NOP53: variants seen among roughly 807,000 people sequenced by gnomAD.
The protein encoded by NOP53 is NOP53 ribosome biogenesis factor.
NOP53 carries 40 observed loss-of-function variants against 61.0 expected under a neutral mutation model. The observed-to-expected ratio is 0.66, with a 90% CI of 0.51 to 0.85. The LOEUF is 0.85. Ranked by LOEUF, NOP53 falls within the 40% of genes least tolerant of loss-of-function variation. The pLI is 0.00. For synonymous variants in NOP53, 308 were observed against 289.5 expected (o/e 1.06, Z -0.65); for missense variants, 689 against 652.9 (o/e 1.06, Z -0.60).
intron 4 of NOP53, 74 bp downstream of exon 4, chr19:47,751,181 C>T (rs565937885): frequency 1.0e-5 from 14 of 1,342,684 alleles, no homozygotes; most frequent in Admixed American, 4.1e-5. Flanking sequence ...GTGCACTGCA[C>T]GAGAGTACAG....
chr19:47,751,817 G>A (rs1967127935), intron 5 of NOP53, among the ~76,000 whole-genome samples: 1 of 152,150 alleles, frequency 6.6e-6, no homozygotes, highest in African/African-American at 2.4e-5. Flanking sequence ...AAATGCAGAT[G>A]AGGGCCGGGC....
In NOP53 at chr19:47,754,885, C is replaced by G. The variant is rs1250015792; in HGVS notation, c.1047C>G (p.His349Gln). The change falls in exon 8 of 13, where the codon CAC (histidine) becomes CAG (glutamine). Residue 349 changes from histidine (H) to glutamine (Q), a missense_variant. His to Gln is a conservative substitution (Grantham distance 24). Coordinates refer to ENST00000246802, the MANE Select transcript of NOP53 (RefSeq NM_015710.5). This position sits in a 1 kb window ranked among gnomAD's most constrained non-coding sequence, Gnocchi z 4.2. Reference protein sequence around the residue: ...EQQRRREKAVHRLRVQQAALR... With the variant: ...EQQRRREKAVQRLRVQQAALR... ...AGCGGCGGCGGGAGAAGGCTGTGCA[C>G]AGGCTGGTGAGCGCCTGGGCCAGCG... The G allele has an allele frequency of 6.6e-7, 1 of 1,507,956 alleles. No individual in the cohort carries two copies. Among genetic ancestry groups the G allele is most frequent in the African/African-American group, 1.4e-5 (1 of 70,732 alleles). The allele number at this position is 1,507,956 out of a possible 1,614,324, so 93.4% of individuals were successfully genotyped here.
chr19:47,745,863 C>G, intron 1 of NOP53, 80 bp downstream of exon 1: 1 of 84,704 alleles, frequency 1.2e-5, no homozygotes, highest in Non-Finnish European at 1.9e-5. Flanking sequence ...GTGGACTCGT[C>G]GGGGGTCGGG....
intron 1 of NOP53, chr19:47,746,006 C>A (rs1967058533): frequency 2.0e-6 from 1 of 492,916 alleles, no homozygotes; most frequent in Middle Eastern, 5.3e-4. Flanking sequence ...ATATACAGGA[C>A]GCTCAATTAA....
chr19:47,752,472 C>T (rs541802166), intron 5 of NOP53, 40 bp from the exon 6 acceptor site: 7 of 1,272,910 alleles, frequency 5.5e-6, no homozygotes, highest in South Asian at 1.2e-5. Flanking sequence ...CCCGCAGCCC[C>T]AACGCACGGC....
chr19:47,752,619 C>T lies in NOP53; in HGVS notation c.765+12C>T, dbSNP rs146899965. ...TTGAAGACCACCAGGTACACTGCCC[C>T]GTCCAGGCCTCCCTCCTCAGTGGGC... On this transcript the variant is annotated intron_variant, in intron 6 of 12. Coordinates refer to ENST00000246802, the MANE Select transcript of NOP53 (RefSeq NM_015710.5). The T allele has an allele frequency of 4.5e-4, 683 of 1,508,142 alleles. 2 individuals carry two copies. The African/African-American group carries it at 8.3e-3, about 18-fold the overall frequency. 93.4% of individuals were successfully genotyped at this position (1,508,142 alleles called of 1,614,324 possible).
In NOP53 at chr19:47,750,276, G is replaced by T. The variant is rs757576784; in HGVS notation, c.388G>T (p.Ala130Ser). ...CCTCGAGAACACATCCAAAGTCCCT[G>T]CCCCCAAAGAGTGAGTGTCCCAGCA... ...LILENTSKVP[A>S]PKDVLAHQVP... Residue 130 changes from alanine to serine, a missense_variant, in exon 3 of 13, where the codon GCC (alanine) becomes TCC (serine). Ala to Ser is a moderately conservative substitution (Grantham distance 99). Transcript: ENST00000246802. 6 of 1,596,860 alleles carry T rather than the reference G, an allele frequency of 3.8e-6. No homozygotes were observed. In the Admixed American group the frequency reaches 1.0e-4, roughly 27 times the overall value.
chr19:47,751,286 C>T, intron 4 of NOP53, 179 bp downstream of exon 4: 3 of 677,554 alleles, frequency 4.4e-6, no homozygotes, highest in Admixed American at 2.8e-5. Flanking sequence ...CTTTTCCTTT[C>T]CTGAGTTGTG....
chr19:47,747,369 C>A (rs763862419), intron 2 of NOP53, among the ~76,000 whole-genome samples: 2 of 152,096 alleles, frequency 1.3e-5, no homozygotes, highest in African/African-American at 4.8e-5. Flanking sequence ...CTGCCGGTTG[C>A]GGTGAGTCAC....
At chr19:47,749,906 C>A (rs1028092535) in intron 2 of NOP53, among the ~76,000 whole-genome samples, 1 of 152,092 alleles carries the variant, frequency 6.6e-6, no homozygotes, top group Admixed American at 6.6e-5. Context: ...TCTGGAAGAC[C>A]CTCCTATGTG....
intron 2 of NOP53, 29 bp from the exon 3 acceptor site, chr19:47,750,149 C>T: frequency 2.8e-6 from 4 of 1,412,328 alleles, no homozygotes; most frequent in Non-Finnish European, 4.0e-6. Flanking sequence ...AGGGCTGAGG[C>T]CTTGACTTGT....
In NOP53 at chr19:47,756,773, A is replaced by G. The variant is rs777873227; in HGVS notation, c.1430+29A>G. 25 of 1,610,304 alleles carry G rather than the reference A, an allele frequency of 1.6e-5. No individual in the cohort carries two copies. In the South Asian group the frequency reaches 2.7e-4, roughly 18 times the overall value. On this transcript the variant is annotated intron_variant, in intron 12 of 12. Coordinates refer to ENST00000246802, the MANE Select transcript of NOP53 (RefSeq NM_015710.5). ...AGTCCACCCGGCTTCGGCGCAAGGA[A>G]GGGAGCCCTTCTCCCACCCCGTGGT...
chr19:47,754,843 G>GAAGA lies in NOP53; in HGVS notation c.1007_1010dup (p.Thr338GlufsTer63). The GAAGA allele has an allele frequency of 1.9e-6, 3 of 1,541,904 alleles. No individual in the cohort carries two copies. Among genetic ancestry groups the GAAGA allele is most frequent in the Non-Finnish European group, 2.6e-6 (3 of 1,152,586 alleles). ...CGCCCGCCCGCCTGGCCACCACAGA[G>GAAGA]AAGAAGACGGAGCAGCAGCGGCGGC... On this transcript the variant is annotated frameshift_variant, in exon 8 of 13. Transcript: ENST00000246802. LOFTEE classifies it high-confidence loss of function. This position sits in a 1 kb window ranked among gnomAD's most constrained non-coding sequence, Gnocchi z 4.2.
At chr19:47,752,661 G>A in intron 6 of NOP53, 54 bp downstream of exon 6, 1 of 1,060,408 alleles carries the variant, frequency 9.4e-7, no homozygotes, top group Non-Finnish European at 1.5e-6. Flanking sequence ...TCTTGGTCAG[G>A]CCTTCACTAG....
chr19:47,755,750 C>G lies in NOP53; in HGVS notation c.1230-6C>G, dbSNP rs941015928. ...GATATTTCTGAACACCCGCCCTGTT[C>G]TGCAGGTACCAGGCACCTGACATCG... On this transcript the variant is annotated splice_polypyrimidine_tract_variant and splice_region_variant and intron_variant, in intron 9 of 12. Coordinates refer to ENST00000246802, the MANE Select transcript of NOP53 (RefSeq NM_015710.5). 1.0e-5 allele frequency: 16 copies of G among 1,607,806 alleles called. No homozygotes were observed. The highest frequency in any genetic ancestry group is 1.3e-5 in the African/African-American group (1 of 74,890).
In NOP53 at chr19:47,745,729, G is replaced by T. The variant is rs1025252836; in HGVS notation, c.170G>T (p.Gly57Val). 6 of 1,608,138 alleles carry T rather than the reference G, an allele frequency of 3.7e-6. No individual in the cohort carries two copies. Among genetic ancestry groups the T allele is most frequent in the Admixed American group, 3.4e-5 (2 of 59,216 alleles). ...CGGCGGCTTGCTCAGGAGCCGCTGG[G>T]GCTGGAGGTTGACCAGTTCCTGGAA... ...GWRRLAQEPLGLEVDQFLEDV... is the reference protein window; with the variant it reads ...GWRRLAQEPLVLEVDQFLEDV... The change falls in exon 1 of 13, where the codon GGG becomes GTG. Residue 57 changes from glycine to valine, a missense_variant. Coordinates refer to ENST00000246802, the MANE Select transcript of NOP53 (RefSeq NM_015710.5).
Position 47,755,785 on chromosome 19 carries a change from T to C in NOP53, c.1259T>C (p.Leu420Pro). 6.2e-7 allele frequency: 1 copy of C among 1,611,272 alleles called. No individual in the cohort carries two copies. The highest frequency in any genetic ancestry group is 8.5e-7 in the Non-Finnish European group (1 of 1,179,106). The stretch of plus-strand genomic sequence containing the variant: ...CAGGCACCTGACATCGACGTGCAGC[T>C]GAGCTCGGAGCTGACAGACTCGCTC... ...KYQAPDIDVQ[L>P]SSELTDSLRT... Residue 420 changes from leucine (L) to proline (P), a missense_variant, in exon 10 of 13, where the codon CTG becomes CCG. Transcript: ENST00000246802.
chr19:47,747,916 G>C (rs964420793), intron 2 of NOP53, among the ~76,000 whole-genome samples: 2 of 150,986 alleles, frequency 1.3e-5, no homozygotes, highest in African/African-American at 4.9e-5. Flanking sequence ...GAGTAGCTGG[G>C]GTTACAGGCA....
At chr19:47,747,976 C>T (rs1415657821) in intron 2 of NOP53, among the ~76,000 whole-genome samples, 1 of 151,888 alleles carries the variant, frequency 6.6e-6, no homozygotes, top group Non-Finnish European at 1.5e-5. Context: ...GATGGGGTTT[C>T]TCTATGTTGG....
Sources: gnomAD v4.1 joint callset for allele counts (sites outside exome capture counted in the v4.1 genomes callset) on GRCh38, gnomAD v4.1.1 for gene constraint, Gnocchi (gnomAD v3.1) non-coding constraint, MANE v1.5 for transcripts, NCBI Gene and HGNC (gene_info 2026-07-23, HGNC 2026-07-21) for gene names.